The following SPAG16 variants were observed in gnomAD, a reference collection of about 807,000 sequenced individuals.
SPAG16 encodes sperm-associated antigen 16 protein.
Under a neutral mutation model 80.4 loss-of-function variants are expected in SPAG16, and 86 were observed. The observed-to-expected ratio is 1.07, with a 90% CI of 0.90 to 1.28. The LOEUF is 1.28. Ranked by LOEUF, SPAG16 falls within the 50% of genes most tolerant of loss-of-function variation. The pLI is 0.00. For missense variants in SPAG16, 870 were observed against 765.3 expected, an observed-to-expected ratio of 1.14 and a Z score of -1.61; for synonymous variants, 294 against 265.9, an observed-to-expected ratio of 1.11 and a Z score of -1.03.
intron 13 of SPAG16, among the ~76,000 whole-genome samples, chr2:214,086,227 TATTA>T (rs1005585101): frequency 1.4e-4 from 22 of 152,214 alleles, no homozygotes; most frequent in Non-Finnish European, 2.9e-5. Context: ...CACAAAACTG[TATTA>T]ATTAAGGTTG....
intron 9 of SPAG16, among the ~76,000 whole-genome samples, chr2:213,378,946 T>A (rs1158697032): frequency 2.0e-5 from 3 of 152,190 alleles, no homozygotes; most frequent in African/African-American, 4.8e-5. Context: ...TGTGGAGTAG[T>A]AGACTGATTT....
At chr2:213,292,666 AAAAAAAAAACAAAAAAAAC>A (rs1222605728) in intron 1 of SPAG16, among the ~76,000 whole-genome samples, 1 of 136,126 alleles carries the variant, frequency 7.3e-6, no homozygotes, top group African/African-American at 2.7e-5. Flanking sequence ...TCCGTCTCAA[AAAAAAAAAACAAAAAAAAC>A]AAAAAAAAAC....
chr2:214,266,663 C>T (rs1691597254), intron 15 of SPAG16, among the ~76,000 whole-genome samples: 1 of 151,616 alleles, frequency 6.6e-6, no homozygotes, highest in South Asian at 2.1e-4. Flanking sequence ...TCTCTGTGTA[C>T]TGACAACATG....
At chr2:213,962,474 C>T (rs1444636030) in intron 12 of SPAG16, among the ~76,000 whole-genome samples, 1 of 152,058 alleles carries the variant, frequency 6.6e-6, no homozygotes, top group Non-Finnish European at 1.5e-5. Flanking sequence ...CATGAGCCAC[C>T]GCGCCCAGCC....
intron 9 of SPAG16, among the ~76,000 whole-genome samples, chr2:213,419,395 T>C (rs1284394032): frequency 6.6e-6 from 1 of 152,168 alleles, no homozygotes; most frequent in Non-Finnish European, 1.5e-5. Flanking sequence ...CTGCCTTTTT[T>C]ACTCCCTAAT....
chr2:213,365,865 G>A lies in SPAG16; in HGVS notation c.832+1720G>A, dbSNP rs1386332180. On this transcript the variant is annotated intron_variant, in intron 8 of 15. Coordinates refer to ENST00000331683, the MANE Select transcript of SPAG16 (RefSeq NM_024532.5). ...CTAGTCTAAAGAAGAAAGATAGGCC[G>A]GGCACGGTGGCTCACGCCTGTAATC... 6.6e-5 allele frequency among the ~76,000 whole-genome samples: 10 copies of A among 151,820 alleles called. 1 individual carries two copies. The South Asian group carries it at 1.5e-3, about 22-fold the overall frequency.
At position 214,410,195 on chromosome 2, in the gene SPAG16, A is replaced by G. The variant is rs778390061; in HGVS notation, c.1776A>G (p.Lys592=). 6.2e-7 allele frequency: 1 copy of G among 1,613,742 alleles called. No individual in the cohort carries two copies. Among genetic ancestry groups the G allele is most frequent in the Non-Finnish European group, 8.5e-7 (1 of 1,179,654 alleles). ...GNGVIHLLDL[K]SGEIHKLMGH... ...GTGTTATCCATTTGCTAGATCTTAAATCTGGGGAGATTCACAAATTGATGG... is the reference window on the plus strand; with the variant it reads ...GTGTTATCCATTTGCTAGATCTTAAGTCTGGGGAGATTCACAAATTGATGG... The change falls in exon 16 of 16, where the codon AAA becomes AAG. Residue 592 remains lysine, a synonymous_variant. Transcript: ENST00000331683.
At chr2:214,165,892 A>G (rs190953417) in intron 15 of SPAG16, among the ~76,000 whole-genome samples, 28 of 152,246 alleles carry the variant, frequency 1.8e-4, no homozygotes, top group Non-Finnish European at 3.5e-4. Flanking sequence ...TGAGTTTCTC[A>G]TTTAGGTGCT....
intron 10 of SPAG16, among the ~76,000 whole-genome samples, chr2:213,598,272 A>C (rs1270196637): frequency 6.6e-6 from 1 of 152,220 alleles, no homozygotes; most frequent in Non-Finnish European, 1.5e-5. Flanking sequence ...GAGAACCTTC[A>C]GAGGGTGAAG....
intron 7 of SPAG16, among the ~76,000 whole-genome samples, chr2:213,357,416 C>T (rs926268095): frequency 6.6e-6 from 1 of 152,118 alleles, no homozygotes; most frequent in Non-Finnish European, 1.5e-5. Context: ...TCTCTAAGGA[C>T]TTCCTTTATG....
In SPAG16 at chr2:213,329,087, T is replaced by C. The variant is rs1216441349; in HGVS notation, c.537-11076T>C. 2.0e-5 allele frequency among the ~76,000 whole-genome samples: 3 copies of C among 152,210 alleles called. No homozygotes were observed. The East Asian group carries it at 5.8e-4, about 29-fold the overall frequency. On this transcript the variant is annotated intron_variant, in intron 5 of 15. Transcript: ENST00000331683. ...TGAGGCCTCCCCAGCCAAGTGGAAC[T>C]GTAAGTCCATTAAACCTCTTTTTCT...
At chr2:214,079,028 T>A (rs1274368230) in intron 13 of SPAG16, among the ~76,000 whole-genome samples, 1 of 152,172 alleles carries the variant, frequency 6.6e-6, no homozygotes, top group Non-Finnish European at 1.5e-5. Context: ...ATCTGTGGAA[T>A]ACACGTTTAG....
chr2:213,770,130 GTTTA>G (rs1383897148), intron 10 of SPAG16, among the ~76,000 whole-genome samples: 3 of 152,178 alleles, frequency 2.0e-5, no homozygotes, highest in East Asian at 3.9e-4. Flanking sequence ...ATATATCACA[GTTTA>G]TTTATATATG....
chr2:213,831,663 A>G (rs894156789), intron 10 of SPAG16, among the ~76,000 whole-genome samples: 3 of 152,154 alleles, frequency 2.0e-5, no homozygotes, highest in African/African-American at 7.2e-5. Context: ...TTATAACACT[A>G]AAGCCTGCAA....
chr2:213,442,956 G>A (rs986926884), intron 9 of SPAG16, among the ~76,000 whole-genome samples: 2 of 152,048 alleles, frequency 1.3e-5, no homozygotes, highest in African/African-American at 4.8e-5. Context: ...TCAAAAGAAT[G>A]AAAAGATAAG....
intron 10 of SPAG16, among the ~76,000 whole-genome samples, chr2:213,607,919 GTTTAA>G (rs2061319655): frequency 1.3e-5 from 2 of 152,082 alleles, no homozygotes; most frequent in South Asian, 4.1e-4. Context: ...TTCCCTACTT[GTTTAA>G]TTTTGTGCTT....
At chr2:214,233,023 A>G (rs1688807250) in intron 15 of SPAG16, among the ~76,000 whole-genome samples, 1 of 152,112 alleles carries the variant, frequency 6.6e-6, no homozygotes, top group African/African-American at 2.4e-5. Context: ...AAACCAAAGA[A>G]TACATATCCT....
chr2:213,382,886 G>T (rs1344707395), intron 9 of SPAG16, among the ~76,000 whole-genome samples: 1 of 152,176 alleles, frequency 6.6e-6, no homozygotes, highest in African/African-American at 2.4e-5. Flanking sequence ...CAAAGGAGTA[G>T]AAAGTTTTCT....
At chr2:213,990,923 A>G (rs1291676208) in intron 12 of SPAG16, among the ~76,000 whole-genome samples, 1 of 152,198 alleles carries the variant, frequency 6.6e-6, no homozygotes, top group African/African-American at 2.4e-5. Flanking sequence ...TGATGGAAAC[A>G]GCAACAGCAG....
Sources: gnomAD v4.1 joint callset for allele counts (sites outside exome capture counted in the v4.1 genomes callset) on GRCh38, gnomAD v4.1.1 for gene constraint, MANE v1.5 for transcripts, NCBI Gene and HGNC (gene_info 2026-07-23, HGNC 2026-07-21) for gene names.